URB1: variants seen among roughly 807,000 people sequenced by gnomAD.
URB1 encodes nucleolar pre-ribosomal-associated protein 1.
Under a neutral mutation model 242.3 loss-of-function variants are expected in URB1, and 197 were observed. That is an observed-to-expected ratio of 0.81 (90% CI 0.72 to 0.91). The LOEUF is 0.91. Ranked by LOEUF, URB1 falls within the 40% of genes least tolerant of loss-of-function variation. URB1 has a pLI of 0.00. For missense variants in URB1, 2,721 were observed against 2,860.5 expected (o/e 0.95, Z 1.11); for synonymous variants, 1,153 against 1,201.8 (o/e 0.96, Z 0.84).
At chr21:32,345,626 G>C in intron 22 of URB1, 51 bp from the exon 23 acceptor site, 1 of 1,484,904 alleles carries the variant, frequency 6.7e-7, no homozygotes, top group Non-Finnish European at 9.0e-7. Context: ...GTGGGCTGCA[G>C]CCAGCTTGGA....
intron 11 of URB1, among the ~76,000 whole-genome samples, chr21:32,362,888 G>A (rs957891374): frequency 6.6e-6 from 1 of 152,174 alleles, no homozygotes; most frequent in Non-Finnish European, 1.5e-5. Context: ...ACCAGAGACA[G>A]AACCCCTGTG....
chr21:32,358,534 G>A (rs2033249498), intron 14 of URB1, among the ~76,000 whole-genome samples: 1 of 152,182 alleles, frequency 6.6e-6, no homozygotes. Flanking sequence ...TACTGAGCCT[G>A]TGTGTCTCAC....
intron 4 of URB1, among the ~76,000 whole-genome samples, chr21:32,382,488 C>T (rs774483799): frequency 6.6e-6 from 1 of 152,132 alleles, no homozygotes; most frequent in Non-Finnish European, 1.5e-5. Flanking sequence ...TTGGTATTAT[C>T]AACCCTTTAG....
At chr21:32,372,670 C>T (rs2033419136) in intron 7 of URB1, 39 bp from the exon 8 acceptor site, 5 of 1,534,266 alleles carry the variant, frequency 3.3e-6, no homozygotes, top group Non-Finnish European at 4.4e-6. Context: ...AAATCCCAAG[C>T]TCATACACTT....
At chr21:32,321,660 C>T in intron 34 of URB1, 141 bp downstream of exon 34, 1 of 1,281,348 alleles carries the variant, frequency 7.8e-7, no homozygotes, top group South Asian at 1.5e-5. Context: ...CTCAACATCT[C>T]ACTTCCCCTA....
At chr21:32,320,775 G>A (rs1192491227) in intron 34 of URB1, 135 bp from the exon 35 acceptor site, 24 of 672,316 alleles carry the variant, frequency 3.6e-5, no homozygotes, top group African/African-American at 1.1e-4. Context: ...TGCTAAGTCC[G>A]TCAGAGCGGT....
rs941827623 is a variant in URB1 at position 32,347,827 on chromosome 21, G to A, written c.3013-16C>T. Reference sequence around the variant, plus strand: ...CCTCCAGCGTCTGAAAGGCAGTGACGAGGCACAGACGTCACATAGAGCACA... The same window carrying A: ...CCTCCAGCGTCTGAAAGGCAGTGACAAGGCACAGACGTCACATAGAGCACA... On this transcript the variant is annotated splice_polypyrimidine_tract_variant and intron_variant, in intron 21 of 38. Transcript: ENST00000382751. The A allele has an allele frequency of 2.6e-5, 40 of 1,532,562 alleles. No homozygotes were observed. The highest frequency in any genetic ancestry group is 3.4e-5 in the Non-Finnish European group (39 of 1,141,840). The allele number at this position is 1,532,562 out of a possible 1,614,324, so 94.9% of individuals were successfully genotyped here.
chr21:32,358,468 G>A (rs1438717356), intron 14 of URB1, among the ~76,000 whole-genome samples: 1 of 152,086 alleles, frequency 6.6e-6, no homozygotes, highest in African/African-American at 2.4e-5. Flanking sequence ...AAGGCTTTTG[G>A]GCTTTGAACA....
chr21:32,373,568 T>C (rs2033427909), intron 7 of URB1, 79 bp downstream of exon 7: 1 of 1,426,372 alleles, frequency 7.0e-7, no homozygotes, highest in Admixed American at 2.9e-5. Flanking sequence ...TCTGGTGCGG[T>C]GTTGAGAATT....
Position 32,338,756 on chromosome 21 carries a change from C to T in URB1, c.4461G>A (p.Pro1487=), listed in dbSNP as rs780620002. 25 of 1,551,596 alleles carry T rather than the reference C, an allele frequency of 1.6e-5. No individual in the cohort carries two copies. Among genetic ancestry groups the T allele is most frequent in the South Asian group, 2.4e-5 (2 of 84,040 alleles). Residue 1487 remains proline, a synonymous_variant, in exon 26 of 39, where the codon CCG becomes CCA. Transcript: ENST00000382751. ...VMLMQHSLFL[P]TLLTSDGEES... ...CCTCTCCGTCAGACGTCAGTAGAGT[C>T]GGCAGAAACAGCGAGTGCTGCATGA...
intron 17 of URB1, 83 bp downstream of exon 17, chr21:32,354,776 C>T (rs748473849): frequency 5.8e-5 from 86 of 1,488,606 alleles, no homozygotes; most frequent in Non-Finnish European, 7.3e-5. Context: ...GGCATTAGTG[C>T]AGTTCTTGTT....
At chr21:32,341,373 ATTATGC>A (rs977981102) in intron 25 of URB1, 87 bp downstream of exon 25, 1 of 1,285,398 alleles carries the variant, frequency 7.8e-7, no homozygotes, top group African/African-American at 1.5e-5. Context: ...CACCACGTGG[ATTATGC>A]TAATAACAAG....
chr21:32,335,782 G>A (rs1032487794), intron 28 of URB1, among the ~76,000 whole-genome samples: 3 of 152,230 alleles, frequency 2.0e-5, no homozygotes, highest in Non-Finnish European at 2.9e-5. Flanking sequence ...CCGAGCTCAG[G>A]CCTGCTCCCT....
rs533309441 is a variant in URB1, at chr21:32,366,791, G to C, written c.1198-36C>G. On this transcript the variant is annotated intron_variant, in intron 9 of 38. Transcript: ENST00000382751. The stretch of plus-strand genomic sequence containing the variant: ...CAAAAAAGAGATTTAGGTGGTGCTA[G>C]AAGTAAGTTTCAAACCTGAGACTAG... 116 of 1,547,004 alleles carry C rather than the reference G, an allele frequency of 7.5e-5. 1 individual carries two copies. In the East Asian group the frequency reaches 1.7e-3, roughly 23 times the overall value.
At chr21:32,390,806 T>C (rs1348673639) in intron 1 of URB1, among the ~76,000 whole-genome samples, 5 of 152,194 alleles carry the variant, frequency 3.3e-5, no homozygotes, top group African/African-American at 4.8e-5. Flanking sequence ...GAAGTCAGTG[T>C]GGCGATTCCT....
At chr21:32,333,105 T>C in intron 30 of URB1, 1 of 526,236 alleles carries the variant, frequency 1.9e-6, no homozygotes, top group Non-Finnish European at 3.4e-6. Context: ...AATTACAATT[T>C]TTTTTTTTAA....
intron 25 of URB1, among the ~76,000 whole-genome samples, chr21:32,339,480 TTTC>T (rs1362987513): frequency 6.6e-6 from 1 of 151,506 alleles, no homozygotes; most frequent in Admixed American, 6.6e-5. Flanking sequence ...GTGCATTTAT[TTTC>T]TTTTTTTTTT....
chr21:32,345,235 G>A (rs2033072752), intron 23 of URB1, 139 bp downstream of exon 23: 1 of 952,216 alleles, frequency 1.1e-6, no homozygotes, highest in South Asian at 1.7e-5. Context: ...ATGGCTGGAA[G>A]TAGAGTTCTC....
chr21:32,329,986 A>G (rs2032874658), intron 30 of URB1, among the ~76,000 whole-genome samples: 1 of 152,142 alleles, frequency 6.6e-6, no homozygotes, highest in Non-Finnish European at 1.5e-5. Flanking sequence ...TTACTGTTCT[A>G]TGCCCTGATC....
Sources: gnomAD v4.1 joint callset for allele counts (sites outside exome capture counted in the v4.1 genomes callset) on GRCh38, gnomAD v4.1.1 for gene constraint, MANE v1.5 for transcripts, NCBI Gene and HGNC (gene_info 2026-07-23, HGNC 2026-07-21) for gene names.